The following NVL variants were observed in gnomAD, a reference collection of about 807,000 sequenced individuals.
NVL encodes nuclear VCP like.
A neutral mutation model predicts 110.2 loss-of-function variants in NVL; 84 were observed. That is an observed-to-expected ratio of 0.76 (90% CI 0.64 to 0.91). The LOEUF is 0.91. Among genes scored for constraint, NVL ranks in the 40% least tolerant of loss-of-function variants. NVL has a pLI of 0.00. For missense variants in NVL, 882 were observed against 1,035.9 expected, an observed-to-expected ratio of 0.85 and a Z score of 2.04; for synonymous variants, 354 against 361.1, an observed-to-expected ratio of 0.98 and a Z score of 0.22.
At position 224,330,141 on chromosome 1, in the gene NVL, C is replaced by T. The variant is rs778960283; in HGVS notation, c.-14G>A. The T allele has an allele frequency of 6.2e-7, 1 of 1,613,758 alleles. No homozygotes were observed. Among genetic ancestry groups the T allele is most frequent in the Non-Finnish European group, 8.5e-7 (1 of 1,179,776 alleles). On this transcript the variant is annotated 5_prime_UTR_variant, in exon 1 of 23. Coordinates refer to ENST00000281701, the MANE Select transcript of NVL (RefSeq NM_002533.4). ...TCTGGGCTTCATCGCGTCGGTCTTC[C>T]AAGCCACAGCTCGGACCGCCAGCTC...
At chr1:224,251,019 A>T (rs558387784) in intron 18 of NVL, among the ~76,000 whole-genome samples, 22 of 151,996 alleles carry the variant, frequency 1.4e-4, no homozygotes, top group African/African-American at 5.3e-4. Flanking sequence ...CACACCTGTA[A>T]TCCCAGCACT....
chr1:224,315,005 C>T (rs1669928434), intron 4 of NVL, among the ~76,000 whole-genome samples: 2 of 151,374 alleles, frequency 1.3e-5, no homozygotes, highest in Non-Finnish European at 2.9e-5. Context: ...GAGTGAGACT[C>T]CATCTCAAAA....
intron 11 of NVL, among the ~76,000 whole-genome samples, chr1:224,295,849 C>G (rs1367902118): frequency 6.6e-6 from 1 of 151,270 alleles, no homozygotes; most frequent in Non-Finnish European, 1.5e-5. Flanking sequence ...ACCTGTAATC[C>G]CAGCTACTCA....
chr1:224,288,931 A>G (rs984659002), intron 13 of NVL, among the ~76,000 whole-genome samples: 1 of 152,232 alleles, frequency 6.6e-6, no homozygotes, highest in Non-Finnish European at 1.5e-5. Context: ...TGTCCTCCAG[A>G]GCTGTTTGCA....
intron 4 of NVL, among the ~76,000 whole-genome samples, chr1:224,317,441 G>T (rs980564097): frequency 6.6e-6 from 1 of 152,142 alleles, no homozygotes; most frequent in Non-Finnish European, 1.5e-5. Flanking sequence ...CATTTCAACT[G>T]ATTCTTGAGG....
intron 5 of NVL, among the ~76,000 whole-genome samples, chr1:224,309,506 G>A (rs935151009): frequency 1.3e-5 from 2 of 152,032 alleles, no homozygotes; most frequent in East Asian, 1.9e-4. Context: ...GTGACAGAGC[G>A]AGACCCTGTC....
chr1:224,308,343 G>A, intron 5 of NVL, 80 bp from the exon 6 acceptor site: 1 of 1,289,202 alleles, frequency 7.8e-7, no homozygotes, highest in Non-Finnish European at 1.1e-6. Context: ...ATAGTAATAA[G>A]TTTTCTATAT....
chr1:224,254,086 G>T (rs1188175059), intron 18 of NVL, among the ~76,000 whole-genome samples: 1 of 152,026 alleles, frequency 6.6e-6, no homozygotes, highest in East Asian at 1.9e-4. Context: ...TATTTAGGTT[G>T]TACAACATGT....
At chr1:224,277,117 C>T (rs1272894715) in intron 16 of NVL, among the ~76,000 whole-genome samples, 1 of 152,028 alleles carries the variant, frequency 6.6e-6, no homozygotes, top group East Asian at 1.9e-4. Context: ...TATTATATTA[C>T]AAAGCCCTTG....
intron 18 of NVL, among the ~76,000 whole-genome samples, chr1:224,267,787 T>G (rs1664643653): frequency 6.6e-6 from 1 of 151,976 alleles, no homozygotes; most frequent in South Asian, 2.1e-4. Flanking sequence ...ATCCAAGCAG[T>G]AATACTATAC....
At position 224,307,953 on chromosome 1, in the gene NVL, T is replaced by G. The variant is rs376761131; in HGVS notation, c.615+38A>C. 4.6e-6 allele frequency: 7 copies of G among 1,506,838 alleles called. No homozygotes were observed. In the African/African-American group the frequency reaches 9.8e-5, roughly 21 times the overall value. The allele number at this position is 1,506,838 out of a possible 1,614,324, so 93.3% of individuals were successfully genotyped here. A position where few individuals can be genotyped will look rare whatever the true frequency, so the allele number is the denominator to read the frequency against. ...ATTCAACTAAAAGGTTGAAATGTAC[T>G]TCGATGATATGGGGCTAAAATTTCA... On this transcript the variant is annotated intron_variant, in intron 6 of 22. Transcript: ENST00000281701.
At chr1:224,241,898 G>T (rs1661242041) in intron 19 of NVL, among the ~76,000 whole-genome samples, 1 of 151,716 alleles carries the variant, frequency 6.6e-6, no homozygotes, top group Admixed American at 6.6e-5. Flanking sequence ...CAGGTGTGGT[G>T]GCAGGCACCT....
intron 19 of NVL, among the ~76,000 whole-genome samples, chr1:224,248,757 A>T (rs1042251515): frequency 6.6e-5 from 10 of 152,216 alleles, no homozygotes; most frequent in African/African-American, 2.4e-4. Context: ...AAATCTTGTG[A>T]TGTCTATTAA....
Position 224,307,841 on chromosome 1 carries a change from T to A in NVL, c.615+150A>T, listed in dbSNP as rs568184289. ...AAGGCTTAGACTAGGATAGAAAGAA[T>A]GGAAAGCAGTGCAATGTGATCAAAT... On this transcript the variant is annotated intron_variant, in intron 6 of 22. Coordinates refer to ENST00000281701, the MANE Select transcript of NVL (RefSeq NM_002533.4). 1.1e-4 allele frequency: 66 copies of A among 595,682 alleles called. No individual in the cohort carries two copies. The East Asian group carries it at 2.1e-3, about 19-fold the overall frequency. 36.9% of individuals were successfully genotyped at this position (595,682 alleles called of 1,614,324 possible). A position where few individuals can be genotyped will look rare whatever the true frequency, so the allele number is the denominator to read the frequency against.
chr1:224,328,469 G>GAAAAA (rs34119387), intron 1 of NVL, among the ~76,000 whole-genome samples: 1 of 144,056 alleles, frequency 6.9e-6, no homozygotes. Context: ...GCAGTGAGCA[G>GAAAAA]AAAAAAAAAA....
In NVL at chr1:224,227,493, C is replaced by T. The variant is rs1365168547; in HGVS notation, c.*133G>A. ...ATCTTCAGCTTCAGCTTCAGCTTGG[C>T]CTCATTCATTTGAAAATAAAATGTT... On this transcript the variant is annotated 3_prime_UTR_variant, in exon 23 of 23. Coordinates refer to ENST00000281701, the MANE Select transcript of NVL (RefSeq NM_002533.4). 3.5e-5 allele frequency: 20 copies of T among 578,132 alleles called. No individual in the cohort carries two copies. The highest frequency in any genetic ancestry group is 5.3e-5 in the Non-Finnish European group (19 of 360,072). The allele number at this position is 578,132 out of a possible 1,614,324, so 35.8% of individuals were successfully genotyped here. A position where few individuals can be genotyped will look rare whatever the true frequency, so the allele number is the denominator to read the frequency against.
intron 10 of NVL, among the ~76,000 whole-genome samples, chr1:224,296,963 A>G (rs78638944): frequency 2.0e-5 from 3 of 151,670 alleles, no homozygotes; most frequent in African/African-American, 4.8e-5. Flanking sequence ...ATATGCACAG[A>G]AAAAAAAACT....
rs1667169877 is a variant in NVL, at chr1:224,289,468, C to A, written c.1575+16G>T. 3.1e-6 allele frequency: 5 copies of A among 1,613,148 alleles called. No homozygotes were observed. The highest frequency in any genetic ancestry group is 2.2e-5 in the East Asian group (1 of 44,880). On this transcript the variant is annotated intron_variant, in intron 13 of 22. Transcript: ENST00000281701. ...AACATTAAAAGGACAATTTAAGGTGCCTTTAGAGAAAGCACCTGTGTTTCA... is the reference window on the plus strand; with the variant it reads ...AACATTAAAAGGACAATTTAAGGTGACTTTAGAGAAAGCACCTGTGTTTCA...
At chr1:224,296,464 T>C in intron 11 of NVL, 37 bp downstream of exon 11, 7 of 1,111,598 alleles carry the variant, frequency 6.3e-6, no homozygotes, top group Non-Finnish European at 8.9e-6. Flanking sequence ...TTTAAAAAAT[T>C]TATTCTCTTA....
Sources: allele counts gnomAD v4.1 joint callset (sites outside exome capture counted in the v4.1 genomes callset), GRCh38; gene constraint gnomAD v4.1.1; transcripts MANE v1.5; gene names NCBI Gene and HGNC (gene_info 2026-07-23, HGNC 2026-07-21).